The following ITGB3BP variants were observed in gnomAD, a reference collection of about 807,000 sequenced individuals.
ITGB3BP encodes the protein integrin subunit beta 3 binding protein.
In ITGB3BP, 27 loss-of-function variants were observed where a neutral mutation model predicts 29.1. The ratio of observed to expected loss-of-function variants is 0.93; its 90% CI spans 0.68 to 1.28. ITGB3BP has a LOEUF of 1.28. Among genes scored for constraint, ITGB3BP ranks in the 50% most tolerant of loss-of-function variants. The pLI, the probability that ITGB3BP is intolerant of heterozygous loss-of-function variation, is 0.00. For synonymous variants in ITGB3BP, 61 were observed against 61.4 expected (o/e 0.99, Z 0.03); for missense variants, 192 against 200.2 (o/e 0.96, Z 0.25).
chr1:63,471,293 C>T (rs530414270), intron 4 of ITGB3BP, among the ~76,000 whole-genome samples: 1,895 of 141,420 alleles, frequency 0.013, 19 homozygotes, highest in Non-Finnish European at 0.016. Context: ...GACAGAGTCT[C>T]GCTCTGTCAC....
Position 63,454,441 on chromosome 1 carries a change from G to A in ITGB3BP, c.366C>T (p.Leu122=), listed in dbSNP as rs1451443258. The A allele has an allele frequency of 1.2e-6, 2 of 1,601,378 alleles. No individual in the cohort carries two copies. The highest frequency in any genetic ancestry group is 1.7e-6 in the Non-Finnish European group (2 of 1,171,550). The part of the protein sequence containing the change: ...ALEGSRELEN[L]IGISCASHFL... ...AATGTGATGCACAGGAGATTCCAAT[G>A]AGATTTTCAAGCTCTCTACTGCCCT... The change falls in exon 6 of 9, where the codon CTC becomes CTT. Residue 122 remains leucine (L), a synonymous_variant. Coordinates refer to ENST00000271002, the MANE Select transcript of ITGB3BP (RefSeq NM_014288.5). The surrounding 1 kb of genome is among the most constrained non-coding windows in gnomAD (Gnocchi z 4.1).
rs1646052912 is a variant in ITGB3BP at position 63,505,431 on chromosome 1, C to T, written c.48+3097G>A. The stretch of plus-strand genomic sequence containing the variant: ...TTCTTTATTAGTCTTGCTAGCAGTC[C>T]ATCAATTTTGTTGATCTTCTCAAAA... On this transcript the variant is annotated intron_variant, in intron 2 of 8. Coordinates refer to ENST00000271002, the MANE Select transcript of ITGB3BP (RefSeq NM_014288.5). Among the ~76,000 whole-genome samples, 3 of 152,012 alleles carry T rather than the reference C, an allele frequency of 2.0e-5. No individual in the cohort carries two copies. In the South Asian group the frequency reaches 6.2e-4, roughly 32 times the overall value.
chr1:63,473,457 C>T (rs1267524974), intron 4 of ITGB3BP, among the ~76,000 whole-genome samples: 6 of 143,740 alleles, frequency 4.2e-5, no homozygotes, highest in South Asian at 2.3e-4. Flanking sequence ...CCAGTCGCCC[C>T]GTCCAGGAGG....
intron 2 of ITGB3BP, among the ~76,000 whole-genome samples, chr1:63,499,433 G>T (rs943662825): frequency 6.6e-6 from 1 of 152,086 alleles, no homozygotes; most frequent in Non-Finnish European, 1.5e-5. Flanking sequence ...TTACAGGTGT[G>T]AGCCACTGCG....
chr1:63,508,626 C>A, intron 1 of ITGB3BP, 56 bp from the exon 2 acceptor site: 1 of 765,948 alleles, frequency 1.3e-6, no homozygotes, highest in Non-Finnish European at 2.1e-6. Flanking sequence ...TTTAAAGTAG[C>A]CCAATAATTA....
chr1:63,504,814 T>A (rs1190828736), intron 2 of ITGB3BP, among the ~76,000 whole-genome samples: 1 of 152,240 alleles, frequency 6.6e-6, no homozygotes, highest in Non-Finnish European at 1.5e-5. Flanking sequence ...GGATTACATT[T>A]ATTGATTTGC....
At chr1:63,505,258 G>A (rs1337743462) in intron 2 of ITGB3BP, among the ~76,000 whole-genome samples, 4 of 152,278 alleles carry the variant, frequency 2.6e-5, no homozygotes, top group East Asian at 1.9e-4. Flanking sequence ...ATGTGTCGAG[G>A]AATTTATCCA....
At chr1:63,473,938 G>A (rs1570191187) in intron 4 of ITGB3BP, among the ~76,000 whole-genome samples, 1 of 11,254 alleles carries the variant, frequency 8.9e-5, no homozygotes, top group Non-Finnish European at 2.6e-4. Context: ...TCAGCCCCCC[G>A]CCCGGCCAGC....
intron 1 of ITGB3BP, among the ~76,000 whole-genome samples, chr1:63,511,106 T>G (rs1386796904): frequency 6.6e-6 from 1 of 152,016 alleles, no homozygotes; most frequent in African/African-American, 2.4e-5. Context: ...CACACAAAAT[T>G]GGACAAAGGA....
chr1:63,509,999 C>A (rs773717348), intron 1 of ITGB3BP: 2 of 458,234 alleles, frequency 4.4e-6, no homozygotes, highest in Non-Finnish European at 7.9e-6. Flanking sequence ...TCGAGACCAG[C>A]CTAACATGGT....
At chr1:63,446,286 T>C (rs1475847842) in intron 8 of ITGB3BP, among the ~76,000 whole-genome samples, 2 of 152,244 alleles carry the variant, frequency 1.3e-5, no homozygotes, top group African/African-American at 2.4e-5. Flanking sequence ...TTATTTGTTA[T>C]AATAAGCTAT....
At chr1:63,445,719 T>G (rs1172103329) in intron 8 of ITGB3BP, among the ~76,000 whole-genome samples, 1 of 151,578 alleles carries the variant, frequency 6.6e-6, no homozygotes, top group Non-Finnish European at 1.5e-5. Flanking sequence ...CTCAGCCTCC[T>G]AAGTAGCTGG....
chr1:63,441,208 CCT>C (rs1472423191), intron 8 of ITGB3BP, 105 bp from the exon 9 acceptor site: 9 of 152,076 alleles, frequency 5.9e-5, no homozygotes, highest in Non-Finnish European at 1.2e-4. Flanking sequence ...TAGTTTGGTA[CCT>C]AGTTTAGTTA....
At chr1:63,475,826 G>A (rs992571853) in intron 4 of ITGB3BP, among the ~76,000 whole-genome samples, 2 of 151,552 alleles carry the variant, frequency 1.3e-5, no homozygotes, top group Non-Finnish European at 2.9e-5. Context: ...GGCAGAACCC[G>A]GTCTCTACTA....
At position 63,446,528 on chromosome 1, in the gene ITGB3BP, C is replaced by G. The variant is rs111620489; in HGVS notation, c.*1+278G>C. ...ATATGAAAGATGCTTGATTAAGGACCCTTTTACACTCAGTTAAAAATGTGT... is the reference window on the plus strand; with the variant it reads ...ATATGAAAGATGCTTGATTAAGGACGCTTTTACACTCAGTTAAAAATGTGT... On this transcript the variant is annotated intron_variant, in intron 8 of 8. Transcript: ENST00000271002. The G allele has an allele frequency of 1.5e-3, 547 of 355,370 alleles. 1 individual carries two copies. Among genetic ancestry groups the G allele is most frequent in the African/African-American group, 0.01 (507 of 48,672 alleles). 22.0% of individuals were successfully genotyped at this position (355,370 alleles called of 1,614,324 possible).
chr1:63,476,400 C>T (rs1026358475), intron 4 of ITGB3BP, among the ~76,000 whole-genome samples: 9 of 152,152 alleles, frequency 5.9e-5, no homozygotes, highest in African/African-American at 2.2e-4. Context: ...AATGTCTCAG[C>T]TCTTACTTAA....
chr1:63,471,855 G>A lies in ITGB3BP; in HGVS notation c.254+6909C>T, dbSNP rs560381471. On this transcript the variant is annotated intron_variant, in intron 4 of 8. Coordinates refer to ENST00000271002, the MANE Select transcript of ITGB3BP (RefSeq NM_014288.5). The stretch of plus-strand genomic sequence containing the variant: ...GCTGGAGTGCAGTGGCACCATCTCG[G>A]CTCACTGCAAGCTCCGCCTCCTGGG... Among the ~76,000 whole-genome samples, 12 of 151,946 alleles carry A rather than the reference G, an allele frequency of 7.9e-5. 1 individual carries two copies. Among genetic ancestry groups the A allele is most frequent in the African/African-American group, 2.9e-4 (12 of 41,436 alleles).
rs527830281 is a variant in ITGB3BP at position 63,522,455 on chromosome 1, G to A, written c.5+674C>T. On this transcript the variant is annotated intron_variant, in intron 1 of 8. Transcript: ENST00000271002. ...CCACCCCACTCCCCCAACCTTTAATGGCTTTTTTAAGTTTCTATAGGGTAG... is the reference window on the plus strand; with the variant it reads ...CCACCCCACTCCCCCAACCTTTAATAGCTTTTTTAAGTTTCTATAGGGTAG... Among the ~76,000 whole-genome samples, 4 of 152,198 alleles carry A rather than the reference G, an allele frequency of 2.6e-5. No individual in the cohort carries two copies. The South Asian group carries it at 6.2e-4, about 24-fold the overall frequency.
At chr1:63,504,738 C>T (rs1343846296) in intron 2 of ITGB3BP, among the ~76,000 whole-genome samples, 1 of 152,108 alleles carries the variant, frequency 6.6e-6, no homozygotes, top group African/African-American at 2.4e-5. Flanking sequence ...TGAATTTTGT[C>T]AAAGGCCTTT....
Sources: gnomAD v4.1 joint callset for allele counts (sites outside exome capture counted in the v4.1 genomes callset) on GRCh38, gnomAD v4.1.1 for gene constraint, Gnocchi (gnomAD v3.1) non-coding constraint, MANE v1.5 for transcripts, NCBI Gene and HGNC (gene_info 2026-07-23, HGNC 2026-07-21) for gene names.